Variants in LINGO2 observed in about 807,000 individuals in gnomAD.
LINGO2 encodes the protein leucine-rich repeat and immunoglobulin-like domain-containing nogo receptor-interacting protein 2.
Under a neutral mutation model 30.6 loss-of-function variants are expected in LINGO2, and 14 were observed. That is an observed-to-expected ratio of 0.46 (90% CI 0.30 to 0.72). LINGO2 has a LOEUF of 0.72. Among genes scored for constraint, LINGO2 ranks in the 30% least tolerant of loss-of-function variants. LINGO2 has a pLI of 0.07. For synonymous variants in LINGO2, 317 were observed against 288.5 expected (o/e 1.10, Z -1.00); for missense variants, 729 against 751.7 (o/e 0.97, Z 0.35).
chr9:27,949,582 G>A (rs1274371149), exon 6 of LINGO2: 2 of 1,613,980 alleles, frequency 1.2e-6, no homozygotes, highest in Non-Finnish European at 8.5e-7. Flanking sequence ...AAGATCCAGA[G>A]AAGGCGGCAG....
chr9:29,057,557 G>C, the LINGO2 span, among the ~76,000 whole-genome samples: 1 of 152,070 alleles, frequency 6.6e-6, no homozygotes, highest in Non-Finnish European at 1.5e-5. Context: ...AATTGTTCCT[G>C]AGGATTTTAC....
chr9:28,447,273 T>C (rs1224708594), intron 2 of LINGO2, among the ~76,000 whole-genome samples: 1 of 152,140 alleles, frequency 6.6e-6, no homozygotes, highest in East Asian at 1.9e-4. Context: ...AGGTGGAGGC[T>C]TTAGAAGGTG....
At chr9:28,247,563 C>T (rs1822048609) in intron 4 of LINGO2, among the ~76,000 whole-genome samples, 1 of 151,990 alleles carries the variant, frequency 6.6e-6, no homozygotes, top group Non-Finnish European at 1.5e-5. Context: ...AACACATGGA[C>T]ACAGGGAGGG....
At chr9:29,111,045 G>C in the LINGO2 span, among the ~76,000 whole-genome samples, 177 of 152,258 alleles carry the variant, frequency 1.2e-3, no homozygotes, top group African/African-American at 4.1e-3. Context: ...ATGTTTGCAC[G>C]CTGATTCTTT....
chr9:27,953,715 G>C (rs1046420733), intron 5 of LINGO2, among the ~76,000 whole-genome samples: 1 of 151,898 alleles, frequency 6.6e-6, no homozygotes, highest in Admixed American at 6.6e-5. Context: ...GGCCTCCCCA[G>C]CCATGCTGAT....
chr9:29,161,989 G>A, the LINGO2 span, among the ~76,000 whole-genome samples: 1,951 of 151,010 alleles, frequency 0.013, 42 homozygotes, highest in African/African-American at 0.045. Flanking sequence ...GCACAATCTC[G>A]GCTTACTACA....
At chr9:27,997,293 C>CA (rs1476617359) in intron 5 of LINGO2, among the ~76,000 whole-genome samples, 1 of 152,190 alleles carries the variant, frequency 6.6e-6, no homozygotes, top group African/African-American at 2.4e-5. Context: ...AATTGAGGGT[C>CA]AAGCTGTTCT....
the LINGO2 span, among the ~76,000 whole-genome samples, chr9:29,197,454 G>C: frequency 2.0e-5 from 3 of 151,894 alleles, no homozygotes; most frequent in African/African-American, 4.8e-5. Flanking sequence ...TGTTACATGA[G>C]GGACTGTGAA....
rs1373463200 is a variant in LINGO2 at position 28,660,226 on chromosome 9, TTTA to T, written c.-365+9971_-365+9973del. ...TTTATGCATCATAACTGTTCTAGTGTTTATATTAGAAATTAAAATATGGTTATT... is the reference window on the plus strand; with the variant it reads ...TTTATGCATCATAACTGTTCTAGTGTTATTAGAAATTAAAATATGGTTATT... On this transcript the variant is annotated intron_variant, in intron 1 of 5. Coordinates refer to ENST00000379992, the Ensembl canonical transcript of LINGO2. 1.3e-5 allele frequency among the ~76,000 whole-genome samples: 2 copies of T among 152,110 alleles called. 1 individual carries two copies. Among genetic ancestry groups the T allele is most frequent in the Non-Finnish European group, 2.9e-5 (2 of 67,980 alleles).
the LINGO2 span, among the ~76,000 whole-genome samples, chr9:29,058,383 G>A: frequency 4.8e-3 from 729 of 151,950 alleles, 3 homozygotes; most frequent in Non-Finnish European, 6.5e-3. Flanking sequence ...GTAGACAATA[G>A]AAGATATCCA....
chr9:28,497,481 A>C (rs989113527), intron 1 of LINGO2, among the ~76,000 whole-genome samples: 4 of 152,134 alleles, frequency 2.6e-5, no homozygotes, highest in African/African-American at 9.7e-5. Context: ...TTCGTCATGT[A>C]GTTCTTGTGC....
Position 28,308,275 on chromosome 9 carries a change from C to T in LINGO2, c.-245-12909G>A, listed in dbSNP as rs1242088826. ...AGAACAGAGCCCTCAGAAATAATGC[C>T]GCATATCCACAACTATCTGATCTTT... On this transcript the variant is annotated intron_variant, in intron 3 of 5. Transcript: ENST00000379992. Among the ~76,000 whole-genome samples the T allele has an allele frequency of 1.2e-4, 15 of 129,574 alleles. 2 individuals are homozygous for T. Among genetic ancestry groups the T allele is most frequent in the Admixed American group, 7.0e-4 (9 of 12,860 alleles). 85.0% of individuals were successfully genotyped at this position (129,574 alleles called of 152,430 possible). A position where few individuals can be genotyped will look rare whatever the true frequency, so the allele number is the denominator to read the frequency against.
At chr9:28,729,866 A>T in the LINGO2 span, among the ~76,000 whole-genome samples, 1 of 152,036 alleles carries the variant, frequency 6.6e-6, no homozygotes, top group Non-Finnish European at 1.5e-5. Flanking sequence ...AAAGCATGAA[A>T]ATAAACTCTC....
intron 4 of LINGO2, among the ~76,000 whole-genome samples, chr9:28,160,272 T>G (rs556486992): frequency 6.6e-6 from 1 of 152,286 alleles, no homozygotes; most frequent in African/African-American, 2.4e-5. Context: ...TGTGATATCT[T>G]GAGAAAGAGC....
intron 3 of LINGO2, among the ~76,000 whole-genome samples, chr9:28,326,309 A>T (rs1825227960): frequency 6.6e-6 from 1 of 152,052 alleles, no homozygotes; most frequent in Non-Finnish European, 1.5e-5. Flanking sequence ...CCGGCCACAA[A>T]CTGTTTTTAT....
chr9:28,751,874 A>G, the LINGO2 span, among the ~76,000 whole-genome samples: 1 of 151,998 alleles, frequency 6.6e-6, no homozygotes, highest in African/African-American at 2.4e-5. Flanking sequence ...CCATGACGAT[A>G]TTCTTGCTAC....
the LINGO2 span, among the ~76,000 whole-genome samples, chr9:29,154,626 C>A: frequency 6.6e-6 from 1 of 151,966 alleles, no homozygotes; most frequent in Non-Finnish European, 1.5e-5. Flanking sequence ...TATTCAAGAG[C>A]CCAATTTACT....
the LINGO2 span, among the ~76,000 whole-genome samples, chr9:29,136,762 G>A: frequency 6.6e-6 from 1 of 151,932 alleles, no homozygotes; most frequent in African/African-American, 2.4e-5. Flanking sequence ...CCATAACCAC[G>A]GCTTCAAATG....
At chr9:28,172,024 A>AG (rs1370199837) in intron 4 of LINGO2, among the ~76,000 whole-genome samples, 1 of 92,192 alleles carries the variant, frequency 1.1e-5, no homozygotes, top group Non-Finnish European at 2.1e-5. Flanking sequence ...CTCAAAAAAA[A>AG]AAAAAAAAAC....
Sources: allele counts gnomAD v4.1 joint callset (sites outside exome capture counted in the v4.1 genomes callset), GRCh38; gene constraint gnomAD v4.1.1; transcripts MANE v1.5; gene names NCBI Gene and HGNC (gene_info 2026-07-23, HGNC 2026-07-21).